PCDHGA10: variants seen among roughly 807,000 people sequenced by gnomAD.
PCDHGA10 encodes protocadherin gamma subfamily A, 10.
In PCDHGA10, 42 loss-of-function variants were observed where a neutral mutation model predicts 59.5. The ratio of observed to expected loss-of-function variants is 0.71; its 90% CI spans 0.55 to 0.91. The LOEUF (loss-of-function observed/expected upper bound fraction) is 0.91. Ranked by LOEUF, PCDHGA10 falls within the 40% of genes least tolerant of loss-of-function variation. The pLI is 0.00. For missense variants in PCDHGA10, 1,111 were observed against 1,198.2 expected, an observed-to-expected ratio of 0.93 and a Z score of 1.07; for synonymous variants, 511 against 517.2, an observed-to-expected ratio of 0.99 and a Z score of 0.16.
Position 141,487,070 on chromosome 5 carries a change from C to T in PCDHGA10, c.2437-7737C>T. ...TGCTGGGGAGGTGCGGACGGCTGTT[C>T]CTATCCCAGCTGACCTCCCACCACA... On this transcript the variant is annotated intron_variant, in intron 1 of 3. Coordinates refer to ENST00000398610, the MANE Select transcript of PCDHGA10 (RefSeq NM_018913.3). This position sits in a 1 kb window ranked among gnomAD's most constrained non-coding sequence, Gnocchi z 5.0. The T allele has an allele frequency of 6.2e-7, 1 of 1,614,154 alleles. No homozygotes were observed. Among genetic ancestry groups the T allele is most frequent in the Non-Finnish European group, 8.5e-7 (1 of 1,180,008 alleles).
chr5:141,432,766 C>G lies in PCDHGA10; in HGVS notation c.2436+17155C>G. On this transcript the variant is annotated intron_variant, in intron 1 of 3. Transcript: ENST00000398610. This position sits in a 1 kb window ranked among gnomAD's most constrained non-coding sequence, Gnocchi z 6.0. Reference sequence around the variant, plus strand: ...CCGTGGCCGTGGCCGACAGCATCCCCCAAGTCCTGGCGGACCTCGGCAGCC... The same window carrying G: ...CCGTGGCCGTGGCCGACAGCATCCCGCAAGTCCTGGCGGACCTCGGCAGCC... 6.2e-7 allele frequency: 1 copy of G among 1,614,160 alleles called. No individual in the cohort carries two copies. The highest frequency in any genetic ancestry group is 8.5e-7 in the Non-Finnish European group (1 of 1,179,994).
At chr5:141,418,021 A>G (rs748774040) in intron 1 of PCDHGA10, 11 of 1,613,978 alleles carry the variant, frequency 6.8e-6, no homozygotes, top group African/African-American at 1.3e-5. Context: ...CTAAGGATCT[A>G]GGGCTTAGTG....
In PCDHGA10 at chr5:141,477,967, C is replaced by A; in HGVS notation, c.2437-16840C>A. The A allele has an allele frequency of 6.2e-7, 1 of 1,614,150 alleles. No individual in the cohort carries two copies. Among genetic ancestry groups the A allele is most frequent in the Non-Finnish European group, 8.5e-7 (1 of 1,180,032 alleles). On this transcript the variant is annotated intron_variant, in intron 1 of 3. Transcript: ENST00000398610. The surrounding 1 kb of genome is among the most constrained non-coding windows in gnomAD (Gnocchi z 4.9). ...GTCTCTTGGGATCCCCTAACCAGAG[C>A]CTTTTTGCCATAGGGCTGCACACTG...
chr5:141,425,500 T>C (rs2096879850), intron 1 of PCDHGA10, among the ~76,000 whole-genome samples: 1 of 152,246 alleles, frequency 6.6e-6, no homozygotes, highest in South Asian at 2.1e-4. Context: ...GCTATACCTT[T>C]ATATTCTCTT....
intron 1 of PCDHGA10, chr5:141,427,312 C>T (rs1438759401): frequency 4.4e-6 from 2 of 456,954 alleles, no homozygotes; most frequent in East Asian, 6.9e-5. Context: ...GACAATGCCC[C>T]AGACGTGGTT....
chr5:141,418,247 G>T, intron 1 of PCDHGA10: 1 of 1,614,032 alleles, frequency 6.2e-7, no homozygotes, highest in Non-Finnish European at 8.5e-7. Context: ...TAATGACCAC[G>T]CCCCTCAATT....
intron 2 of PCDHGA10, among the ~76,000 whole-genome samples, chr5:141,499,829 G>A (rs1322405697): frequency 6.6e-6 from 1 of 151,548 alleles, no homozygotes; most frequent in African/African-American, 2.4e-5. Context: ...TAGGATTACA[G>A]GTGTGCACCA....
intron 1 of PCDHGA10, among the ~76,000 whole-genome samples, chr5:141,456,845 C>T (rs1308477735): frequency 6.6e-6 from 1 of 152,092 alleles, no homozygotes; most frequent in African/African-American, 2.4e-5. Context: ...CGCCTGTAAT[C>T]CCAGCTAATT....
At chr5:141,441,797 G>T in intron 1 of PCDHGA10, 1 of 386,536 alleles carries the variant, frequency 2.6e-6, no homozygotes, top group Non-Finnish European at 5.2e-6. Context: ...ACAACGCACC[G>T]CGGGTGCTGT....
chr5:141,507,609 A>G (rs2099862010), intron 3 of PCDHGA10, among the ~76,000 whole-genome samples: 1 of 152,260 alleles, frequency 6.6e-6, no homozygotes, highest in Non-Finnish European at 1.5e-5. Context: ...ATAAACAGGT[A>G]TATTTAGCTG....
In PCDHGA10 at chr5:141,489,514, C is replaced by T. The variant is rs141377711; in HGVS notation, c.2437-5293C>T. 63 of 1,613,926 alleles carry T rather than the reference C, an allele frequency of 3.9e-5. No homozygotes were observed. The highest frequency in any genetic ancestry group is 6.7e-5 in the Admixed American group (4 of 60,004). ...CCTGGCAGTGAATCAAAAGATTGAC[C>T]GAGAAAGCCTATGTGGAGCCAGCAC... On this transcript the variant is annotated intron_variant, in intron 1 of 3. Coordinates refer to ENST00000398610, the MANE Select transcript of PCDHGA10 (RefSeq NM_018913.3). This position sits in a 1 kb window ranked among gnomAD's most constrained non-coding sequence, Gnocchi z 4.5.
chr5:141,423,141 G>C, intron 1 of PCDHGA10: 1 of 1,613,580 alleles, frequency 6.2e-7, no homozygotes, highest in Non-Finnish European at 8.5e-7. Flanking sequence ...ACAGAGACGC[G>C]CTCAAGCAGA....
chr5:141,417,751 C>T, intron 1 of PCDHGA10: 1 of 1,427,514 alleles, frequency 7.0e-7, no homozygotes, highest in Non-Finnish European at 9.2e-7. Flanking sequence ...AGATTGCCAG[C>T]TCCGAGACCC....
intron 1 of PCDHGA10, among the ~76,000 whole-genome samples, chr5:141,469,882 G>A (rs760102003): frequency 2.6e-5 from 4 of 152,280 alleles, no homozygotes; most frequent in Non-Finnish European, 4.4e-5. Context: ...TGTAATCTCG[G>A]CACTTTGGGA....
chr5:141,415,355 G>A lies in PCDHGA10; in HGVS notation c.2180G>A (p.Arg727His), dbSNP rs1200011688. Residue 727 changes from arginine to histidine, a missense_variant, in exon 1 of 4, where the codon CGC becomes CAC. Coordinates refer to ENST00000398610, the MANE Select transcript of PCDHGA10 (RefSeq NM_018913.3). The part of the protein sequence containing the change: ...AHRLRRWHKS[R>H]LLQASGGGLT... ...AGGCTGCGGCGCTGGCACAAGTCAC[G>A]CCTGCTGCAGGCTTCAGGAGGCGGC... 2 of 1,614,210 alleles carry A rather than the reference G, an allele frequency of 1.2e-6. No homozygotes were observed. Among genetic ancestry groups the A allele is most frequent in the Non-Finnish European group, 1.7e-6 (2 of 1,180,040 alleles).
chr5:141,502,331 G>C lies in PCDHGA10; in HGVS notation c.2496-3062G>C, dbSNP rs555959890. ...TCCTTTAATCTGGAGCCAGCTCCCA[G>C]TCTTTTTATTTTTTTAATGACATGG... On this transcript the variant is annotated intron_variant, in intron 2 of 3. Transcript: ENST00000398610. Among the ~76,000 whole-genome samples, 42 of 152,102 alleles carry C rather than the reference G, an allele frequency of 2.8e-4. No individual in the cohort carries two copies. The South Asian group carries it at 6.2e-3, about 23-fold the overall frequency.
At chr5:141,503,479 G>A (rs1203644194) in intron 2 of PCDHGA10, among the ~76,000 whole-genome samples, 5 of 151,616 alleles carry the variant, frequency 3.3e-5, no homozygotes, top group African/African-American at 9.7e-5. Context: ...TGCACTTGTC[G>A]TCCCAGCTGC....
At chr5:141,417,789 C>G in intron 1 of PCDHGA10, 1 of 1,477,596 alleles carries the variant, frequency 6.8e-7, no homozygotes, top group Non-Finnish European at 9.0e-7. Context: ...GGGCCGAATG[C>G]TCTTTTAGCG....
At chr5:141,455,449 G>A (rs1421095381) in intron 1 of PCDHGA10, among the ~76,000 whole-genome samples, 1 of 152,126 alleles carries the variant, frequency 6.6e-6, no homozygotes, top group Non-Finnish European at 1.5e-5. Flanking sequence ...CATCTACCGC[G>A]GATACCAGCC....
Sources: gnomAD v4.1 joint callset for allele counts (sites outside exome capture counted in the v4.1 genomes callset) on GRCh38, gnomAD v4.1.1 for gene constraint, Gnocchi (gnomAD v3.1) non-coding constraint, MANE v1.5 for transcripts, NCBI Gene and HGNC (gene_info 2026-07-23, HGNC 2026-07-21) for gene names.